ST3GAL3: variants seen among roughly 807,000 people sequenced by gnomAD.
ST3GAL3 encodes CMP-N-acetylneuraminate-beta-1,4-galactoside alpha-2,3-sialyltransferase.
In ST3GAL3, 21 loss-of-function variants were observed where a neutral mutation model predicts 50.1. The observed-to-expected ratio is 0.42, with a 90% CI of 0.30 to 0.60. The LOEUF (loss-of-function observed/expected upper bound fraction) is 0.60, where lower values mean the gene tolerates loss of function less well. Among genes scored for constraint, ST3GAL3 ranks in the 20% least tolerant of loss-of-function variants. The pLI is 0.19. For missense variants in ST3GAL3, 353 were observed against 489.4 expected (o/e 0.72, Z 2.63); for synonymous variants, 183 against 190.0 (o/e 0.96, Z 0.30).
chr1:43,762,095 G>C (rs1441066846), intron 2 of ST3GAL3, among the ~76,000 whole-genome samples: 1 of 150,554 alleles, frequency 6.6e-6, no homozygotes, highest in Non-Finnish European at 1.5e-5. Context: ...GTGAGACCTC[G>C]TCTCTACCGA....
At chr1:43,919,057 CTTTCTTTG>C (rs1412046417) in intron 9 of ST3GAL3, 1 of 118,820 alleles carries the variant, frequency 8.4e-6, no homozygotes, top group Admixed American at 9.5e-5. Context: ...CTTTTCTTTC[CTTTCTTTG>C]TTTCTTTTTT....
chr1:43,728,105 C>G (rs936847763), intron 1 of ST3GAL3, among the ~76,000 whole-genome samples: 1 of 152,060 alleles, frequency 6.6e-6, no homozygotes, highest in African/African-American at 2.4e-5. Flanking sequence ...CTGCCACTTA[C>G]AAGTAAGAAC....
At chr1:43,919,877 C>T (rs770701705) in intron 9 of ST3GAL3, 2 of 188,060 alleles carry the variant, frequency 1.1e-5, no homozygotes, top group Non-Finnish European at 2.3e-5. Context: ...CTCTAGTCAA[C>T]AGCAGTGTTG....
intron 5 of ST3GAL3, among the ~76,000 whole-genome samples, chr1:43,871,661 A>T (rs2072827289): frequency 1.8e-5 from 1 of 56,540 alleles, no homozygotes; most frequent in African/African-American, 7.4e-5. Context: ...ATGGGATGTG[A>T]GGGAGAAGAT....
intron 3 of ST3GAL3, among the ~76,000 whole-genome samples, chr1:43,805,852 C>T (rs1170863618): frequency 6.6e-6 from 1 of 152,198 alleles, no homozygotes; most frequent in African/African-American, 2.4e-5. Context: ...TCTCCTGCCT[C>T]AGCCTTCTGA....
chr1:43,713,145 A>G (rs1186925008), intron 1 of ST3GAL3, among the ~76,000 whole-genome samples: 1 of 152,184 alleles, frequency 6.6e-6, no homozygotes, highest in Non-Finnish European at 1.5e-5. Flanking sequence ...GACTGGACGG[A>G]AGGATAGTTA....
At chr1:43,848,401 G>A (rs2066665900) in intron 5 of ST3GAL3, among the ~76,000 whole-genome samples, 1 of 150,744 alleles carries the variant, frequency 6.6e-6, no homozygotes, top group Non-Finnish European at 1.5e-5. Context: ...CGCCTCCTGG[G>A]TTCAAGCAAT....
At chr1:43,712,784 A>C (rs762027803) in intron 1 of ST3GAL3, among the ~76,000 whole-genome samples, 4 of 152,184 alleles carry the variant, frequency 2.6e-5, no homozygotes, top group Non-Finnish European at 5.9e-5. Flanking sequence ...AGAAGCAAAG[A>C]ATGTGGCTAC....
At chr1:43,920,356 A>G (rs776081946) in intron 9 of ST3GAL3, 48 bp from the exon 10 acceptor site, 2 of 1,613,644 alleles carry the variant, frequency 1.2e-6, no homozygotes, top group Middle Eastern at 3.3e-4. Flanking sequence ...CCCTAGGCTC[A>G]TCCCTTGCTG....
chr1:43,892,517 G>A (rs1442426250), intron 5 of ST3GAL3, among the ~76,000 whole-genome samples: 1 of 152,132 alleles, frequency 6.6e-6, no homozygotes, highest in Non-Finnish European at 1.5e-5. Flanking sequence ...GTACAGTTAT[G>A]GGTATTTTTA....
At chr1:43,852,615 T>C (rs1348355908) in intron 5 of ST3GAL3, among the ~76,000 whole-genome samples, 1 of 152,222 alleles carries the variant, frequency 6.6e-6, no homozygotes, top group Non-Finnish European at 1.5e-5. Flanking sequence ...CTCCAGAGAT[T>C]GAGAGTGTAA....
At chr1:43,848,604 T>C (rs549244108) in intron 5 of ST3GAL3, among the ~76,000 whole-genome samples, 33 of 152,184 alleles carry the variant, frequency 2.2e-4, no homozygotes, top group African/African-American at 7.9e-4. Flanking sequence ...CGTGCCTGGC[T>C]GTGGTTTTCT....
At chr1:43,747,836 C>T (rs572916347) in intron 2 of ST3GAL3, among the ~76,000 whole-genome samples, 1 of 151,970 alleles carries the variant, frequency 6.6e-6, no homozygotes, top group Non-Finnish European at 1.5e-5. Context: ...TTGCCTTGGC[C>T]TCCCAAGGTG....
At chr1:43,872,212 G>A (rs60683970) in intron 5 of ST3GAL3, among the ~76,000 whole-genome samples, 2,433 of 94,410 alleles carry the variant, frequency 0.026, 227 homozygotes, top group African/African-American at 0.11. Flanking sequence ...GTATTGAGAG[G>A]GGTGTGGGGG....
At chr1:43,721,789 CAG>C (rs1179515448) in intron 1 of ST3GAL3, among the ~76,000 whole-genome samples, 6 of 152,096 alleles carry the variant, frequency 3.9e-5, no homozygotes, top group Admixed American at 2.0e-4. Flanking sequence ...TTAGTAGAAA[CAG>C]GGTTTCACCA....
intron 2 of ST3GAL3, among the ~76,000 whole-genome samples, chr1:43,777,733 C>T (rs1416227085): frequency 2.6e-5 from 4 of 152,116 alleles, no homozygotes; most frequent in African/African-American, 7.2e-5. Flanking sequence ...AAAGCAATTG[C>T]AACAAAAGCA....
intron 3 of ST3GAL3, among the ~76,000 whole-genome samples, chr1:43,813,470 C>T (rs930516130): frequency 9.2e-5 from 14 of 152,126 alleles, no homozygotes; most frequent in African/African-American, 2.9e-4. Flanking sequence ...CATTCGCCTG[C>T]GTTAGAGCAA....
chr1:43,930,353 C>T lies in ST3GAL3; in HGVS notation c.*132C>T. On this transcript the variant is annotated 3_prime_UTR_variant, in exon 12 of 12. Coordinates refer to ENST00000347631, the MANE Select transcript of ST3GAL3 (RefSeq NM_006279.5). ...CAGGGGCAGCAAGGCCTTGGTGGAGCAGCCAGAGCTGTGCCTGCTCAGCAG... is the reference window on the plus strand; with the variant it reads ...CAGGGGCAGCAAGGCCTTGGTGGAGTAGCCAGAGCTGTGCCTGCTCAGCAG... The T allele has an allele frequency of 1.2e-6, 1 of 848,070 alleles. No individual in the cohort carries two copies. Among genetic ancestry groups the T allele is most frequent in the Non-Finnish European group, 2.0e-6 (1 of 505,224 alleles). 52.5% of individuals were successfully genotyped at this position (848,070 alleles called of 1,614,324 possible). A position where few individuals can be genotyped will look rare whatever the true frequency, so the allele number is the denominator to read the frequency against.
intron 5 of ST3GAL3, among the ~76,000 whole-genome samples, chr1:43,856,144 G>C (rs2068321076): frequency 6.6e-6 from 1 of 152,220 alleles, no homozygotes; most frequent in African/African-American, 2.4e-5. Context: ...TACTGCATAT[G>C]CAGTTGTCCA....
Sources: gnomAD v4.1 joint callset for allele counts (sites outside exome capture counted in the v4.1 genomes callset) on GRCh38, gnomAD v4.1.1 for gene constraint, MANE v1.5 for transcripts, NCBI Gene and HGNC (gene_info 2026-07-23, HGNC 2026-07-21) for gene names.